The following GALNT2 variants were observed in gnomAD, a reference collection of about 807,000 sequenced individuals.
The protein encoded by GALNT2 is UDP-GalNAc:polypeptide N-acetylgalactosaminyltransferase 2.
In GALNT2, 31 loss-of-function variants were observed where a neutral mutation model predicts 81.4. The observed-to-expected ratio is 0.38, with a 90% CI of 0.29 to 0.51. The LOEUF (loss-of-function observed/expected upper bound fraction) is 0.51. GALNT2 is among the 20% of genes least tolerant of loss of function. GALNT2 has a pLI of 0.87. For synonymous variants in GALNT2, 303 were observed against 287.4 expected, an observed-to-expected ratio of 1.05 and a Z score of -0.55; for missense variants, 629 against 765.7, an observed-to-expected ratio of 0.82 and a Z score of 2.11.
At chr1:230,091,363 T>C (rs1193211320) in intron 1 of GALNT2, among the ~76,000 whole-genome samples, 4 of 152,184 alleles carry the variant, frequency 2.6e-5, no homozygotes, top group South Asian at 4.1e-4. Context: ...TGTGAGCCAT[T>C]GTGCCCGGTC....
At chr1:230,158,343 C>A (rs1436417914) in intron 1 of GALNT2, among the ~76,000 whole-genome samples, 2 of 152,212 alleles carry the variant, frequency 1.3e-5, no homozygotes, top group Non-Finnish European at 2.9e-5. Context: ...TCTGGAGAGA[C>A]TGGAGCTTAG....
intron 1 of GALNT2, among the ~76,000 whole-genome samples, chr1:230,151,568 C>T (rs961082481): frequency 2.6e-5 from 4 of 152,214 alleles, no homozygotes; most frequent in African/African-American, 9.6e-5. Context: ...ATTCTCTCTA[C>T]AGCAGTGCCT....
At chr1:230,156,217 G>A (rs1371437275) in intron 1 of GALNT2, among the ~76,000 whole-genome samples, 1 of 140,498 alleles carries the variant, frequency 7.1e-6, no homozygotes, top group African/African-American at 2.6e-5. Context: ...GAGGGAGAGA[G>A]AGAGAGAGAG....
At chr1:230,196,864 C>T (rs1663712038) in intron 2 of GALNT2, among the ~76,000 whole-genome samples, 1 of 152,148 alleles carries the variant, frequency 6.6e-6, no homozygotes, top group Non-Finnish European at 1.5e-5. Context: ...GGGCAGAGGG[C>T]TGGTGCTTCC....
intron 10 of GALNT2, among the ~76,000 whole-genome samples, chr1:230,250,840 G>T (rs1665525236): frequency 6.6e-6 from 1 of 152,168 alleles, no homozygotes; most frequent in Non-Finnish European, 1.5e-5. Flanking sequence ...CAAGTGTTTG[G>T]AATGTTGCAG....
chr1:230,169,486 G>C (rs1351958086), intron 1 of GALNT2, among the ~76,000 whole-genome samples: 2 of 152,160 alleles, frequency 1.3e-5, no homozygotes, highest in African/African-American at 2.4e-5. Flanking sequence ...CAACTGGCTG[G>C]GTCACCGATG....
intron 1 of GALNT2, among the ~76,000 whole-genome samples, chr1:230,135,614 G>T (rs1421939163): frequency 6.6e-6 from 1 of 152,150 alleles, no homozygotes; most frequent in African/African-American, 2.4e-5. Flanking sequence ...AGTGTGGGGG[G>T]CCCTTTGCAG....
intron 12 of GALNT2, 27 bp from the exon 13 acceptor site, chr1:230,262,895 A>G: frequency 6.2e-7 from 1 of 1,600,014 alleles, no homozygotes; most frequent in South Asian, 1.1e-5. Context: ...AAAATTTATA[A>G]AGGAATCTTA....
chr1:230,268,544 C>CTCAGGCCCCGGCCGAGAGAGT (rs1230145867), intron 14 of GALNT2: 3 of 152,236 alleles, frequency 2.0e-5, no homozygotes, highest in Non-Finnish European at 4.4e-5. Context: ...GAAGCGTGTG[C>CTCAGGCCCCGGCCGAGAGAGT]TCAGGCCCCG....
intron 1 of GALNT2, among the ~76,000 whole-genome samples, chr1:230,168,467 T>G (rs1445249069): frequency 6.6e-6 from 1 of 152,258 alleles, no homozygotes; most frequent in Non-Finnish European, 1.5e-5. Context: ...GGAGCTGAGC[T>G]GATTATTCTC....
At chr1:230,178,463 A>G (rs1236212598) in intron 2 of GALNT2, 152 bp downstream of exon 2, 2 of 573,874 alleles carry the variant, frequency 3.5e-6, no homozygotes, top group Non-Finnish European at 6.0e-6. Context: ...GCCAACTTCC[A>G]TCGGACCCAT....
In GALNT2 at chr1:230,086,998, T is replaced by C. The variant is rs372919890; in HGVS notation, c.126+19592T>C. ...AAGCTGTCACAAGGGTTCAACAAGA[T>C]GTTGCCTGGTGAGCACTTAACCCAC... is the stretch of plus-strand genomic sequence containing the variant. On this transcript the variant is annotated intron_variant, in intron 1 of 15. Coordinates refer to ENST00000366672, the MANE Select transcript of GALNT2 (RefSeq NM_004481.5). 5.3e-5 allele frequency among the ~76,000 whole-genome samples: 8 copies of C among 152,354 alleles called. No individual in the cohort carries two copies. The South Asian group carries it at 1.4e-3, about 28-fold the overall frequency.
chr1:230,238,923 T>G (rs184775247), intron 6 of GALNT2, among the ~76,000 whole-genome samples: 33 of 152,292 alleles, frequency 2.2e-4, no homozygotes, highest in African/African-American at 7.9e-4. Context: ...TTTTAATTAT[T>G]TCTTTTTTAA....
chr1:230,196,756 G>A (rs891891200), intron 2 of GALNT2, among the ~76,000 whole-genome samples: 1 of 152,098 alleles, frequency 6.6e-6, no homozygotes, highest in Non-Finnish European at 1.5e-5. Context: ...ATCTGAGTGG[G>A]AGCCCCCAGA....
At position 230,236,641 on chromosome 1, in the gene GALNT2, GCTT is replaced by G; in HGVS notation, c.542-15_542-13del. On this transcript the variant is annotated splice_polypyrimidine_tract_variant and intron_variant, in intron 5 of 15. Transcript: ENST00000366672. Reference sequence around the variant, plus strand: ...ATGAACTCCAGGTTCAAAATGCTCTGCTTCTTTTCTTTTCCTAGCTGAGGACGG... The same window carrying G: ...ATGAACTCCAGGTTCAAAATGCTCTGCTTTTCTTTTCCTAGCTGAGGACGG... The G allele has an allele frequency of 2.5e-6, 4 of 1,606,936 alleles. No homozygotes were observed. The highest frequency in any genetic ancestry group is 3.4e-6 in the Non-Finnish European group (4 of 1,178,018).
At chr1:230,062,126 T>C (rs2102733623) in intron 1 of GALNT2, among the ~76,000 whole-genome samples, 1 of 152,298 alleles carries the variant, frequency 6.6e-6, no homozygotes, top group African/African-American at 2.4e-5. Flanking sequence ...AAATAGTATG[T>C]TTGTAGTTTT....
At chr1:230,264,063 G>T (rs1424640946) in intron 13 of GALNT2, 1 of 152,282 alleles carries the variant, frequency 6.6e-6, no homozygotes, top group East Asian at 1.9e-4. Context: ...GTGCAGGACA[G>T]CTTTTGCTGG....
intron 1 of GALNT2, among the ~76,000 whole-genome samples, chr1:230,158,185 G>A (rs1031880622): frequency 2.6e-5 from 4 of 152,036 alleles, no homozygotes; most frequent in East Asian, 3.9e-4. Context: ...CGGGAGGCCC[G>A]GGTAGCAGGG....
At chr1:230,263,334 G>A (rs931897987) in intron 13 of GALNT2, 2 of 304,114 alleles carry the variant, frequency 6.6e-6, no homozygotes, top group East Asian at 7.5e-5. Context: ...CAGGCTCTTC[G>A]AGTGACCAGG....
Sources: gnomAD v4.1 joint callset for allele counts (sites outside exome capture counted in the v4.1 genomes callset) on GRCh38, gnomAD v4.1.1 for gene constraint, MANE v1.5 for transcripts, NCBI Gene and HGNC (gene_info 2026-07-23, HGNC 2026-07-21) for gene names.